The following WDR89 variants were observed in gnomAD, a reference collection of about 807,000 sequenced individuals.
WDR89 encodes the protein WD repeat domain 89, also known as WD repeat-containing protein 89.
In WDR89, 17 loss-of-function variants were observed where a neutral mutation model predicts 29.1. That is an observed-to-expected ratio of 0.58 (90% CI 0.40 to 0.88). The LOEUF is 0.88. Among genes scored for constraint, WDR89 ranks in the 40% least tolerant of loss-of-function variants. The pLI, the probability that WDR89 is intolerant of heterozygous loss-of-function variation, is 0.00. For missense variants in WDR89, 396 were observed against 456.3 expected, an observed-to-expected ratio of 0.87 and a Z score of 1.20; for synonymous variants, 138 against 157.8, an observed-to-expected ratio of 0.87 and a Z score of 0.94.
intron 2 of WDR89, among the ~76,000 whole-genome samples, 181 bp from the exon 3 acceptor site, chr14:63,600,154 T>C (rs912570468): frequency 5.9e-5 from 9 of 152,182 alleles, no homozygotes; most frequent in Admixed American, 1.3e-4. Flanking sequence ...TTCCTTCCTA[T>C]GATGTAACTA....
At chr14:63,611,823 T>C (rs1464361895) in intron 2 of WDR89, among the ~76,000 whole-genome samples, 1 of 148,464 alleles carries the variant, frequency 6.7e-6, no homozygotes, top group Admixed American at 6.7e-5. Context: ...GCCTCCTGGG[T>C]TCAAGCAACT....
intron 2 of WDR89, among the ~76,000 whole-genome samples, chr14:63,619,261 T>G (rs186466260): frequency 2.4e-4 from 37 of 152,298 alleles, no homozygotes; most frequent in African/African-American, 8.2e-4. Flanking sequence ...GAATTTGAAG[T>G]TTTTGGTATA....
intron 2 of WDR89, among the ~76,000 whole-genome samples, chr14:63,622,963 G>C (rs1475773198): frequency 1.3e-5 from 2 of 152,022 alleles, no homozygotes; most frequent in African/African-American, 4.8e-5. Flanking sequence ...ACTTTGGGTG[G>C]CCAAGGTGGG....
At chr14:63,608,067 G>A (rs1452206100) in intron 2 of WDR89, among the ~76,000 whole-genome samples, 2 of 151,914 alleles carry the variant, frequency 1.3e-5, no homozygotes, top group African/African-American at 2.4e-5. Flanking sequence ...TAAGCTGGGT[G>A]TGGTGGTGCA....
Position 63,599,316 on chromosome 14 carries a change from C to T in WDR89, c.627G>A (p.Leu209=). The T allele has an allele frequency of 6.2e-7, 1 of 1,614,040 alleles. No individual in the cohort carries two copies. Among genetic ancestry groups the T allele is most frequent in the Non-Finnish European group, 8.5e-7 (1 of 1,180,014 alleles). The change falls in exon 3 of 3, where the codon CTG becomes CTA. Residue 209 remains leucine (L), a synonymous_variant. Transcript: ENST00000620954. ...DINIDNEEDA[L]VTTCNSISSV... is the part of the protein sequence containing the mutation. ...ATGAAATTGAGTTACAGGTTGTAAC[C>T]AGTGCATCCTCCTCATTATCAATAT...
chr14:63,605,164 C>T (rs890041251), intron 2 of WDR89, among the ~76,000 whole-genome samples: 26 of 133,766 alleles, frequency 1.9e-4, no homozygotes, highest in African/African-American at 9.5e-4. Flanking sequence ...CTCTCTCTCT[C>T]TCTATATATA....
At chr14:63,628,817 C>T (rs1432756186) in intron 1 of WDR89, among the ~76,000 whole-genome samples, 1 of 151,918 alleles carries the variant, frequency 6.6e-6, no homozygotes, top group Non-Finnish European at 1.5e-5. Flanking sequence ...AAAAAATTAG[C>T]CAGGCATGGT....
intron 2 of WDR89, among the ~76,000 whole-genome samples, chr14:63,612,329 G>GT (rs554114500): frequency 0.01 from 1,412 of 140,018 alleles, 32 homozygotes; most frequent in African/African-American, 0.031. Flanking sequence ...AAAATTTCAA[G>GT]TTTTTTTTTT....
chr14:63,620,500 T>C (rs1882627855), intron 2 of WDR89, among the ~76,000 whole-genome samples: 1 of 152,122 alleles, frequency 6.6e-6, no homozygotes, highest in Non-Finnish European at 1.5e-5. Context: ...TCAAAGGGTA[T>C]AAAATTTCAC....
At chr14:63,613,171 A>G (rs925377375) in intron 2 of WDR89, among the ~76,000 whole-genome samples, 1 of 152,212 alleles carries the variant, frequency 6.6e-6, no homozygotes, top group South Asian at 2.1e-4. Flanking sequence ...GCAGCCTACC[A>G]ATCACCAGAT....
At chr14:63,603,053 G>C (rs1895150125) in intron 2 of WDR89, among the ~76,000 whole-genome samples, 1 of 152,100 alleles carries the variant, frequency 6.6e-6, no homozygotes, top group Non-Finnish European at 1.5e-5. Context: ...ACCACGCCCA[G>C]CCTGGATTTG....
At chr14:63,626,676 CAAAAAAAAAAAAA>C (rs35582220) in intron 1 of WDR89, among the ~76,000 whole-genome samples, 48 of 34,580 alleles carry the variant, frequency 1.4e-3, no homozygotes, top group Admixed American at 2.5e-3. Flanking sequence ...GAGACTGTCT[CAAAAAAAAAAAAA>C]AAAAAAAAAA....
intron 1 of WDR89, among the ~76,000 whole-genome samples, chr14:63,632,391 G>C (rs1883463809): frequency 6.6e-6 from 1 of 152,086 alleles, no homozygotes; most frequent in Non-Finnish European, 1.5e-5. Context: ...AGCACCTTGG[G>C]AGGCTGAGGT....
At position 63,627,123 on chromosome 14, in the gene WDR89, A is replaced by AACACACACACACACAC. The variant is rs756971522; in HGVS notation, c.-137-2106_-137-2091dup. 4.0e-4 allele frequency among the ~76,000 whole-genome samples: 49 copies of AACACACACACACACAC among 122,880 alleles called. 1 individual carries two copies. Among genetic ancestry groups the AACACACACACACACAC allele is most frequent in the African/African-American group, 1.3e-3 (43 of 33,838 alleles). 80.6% of individuals were successfully genotyped at this position (122,880 alleles called of 152,430 possible). On this transcript the variant is annotated intron_variant, in intron 1 of 2. Coordinates refer to ENST00000620954, the MANE Select transcript of WDR89 (RefSeq NM_080666.4). Reference sequence around the variant, plus strand: ...GTGACAGAATAAGACTTTGTCTCTAAACACACACACACACACACACACACA... The same window carrying AACACACACACACACAC: ...GTGACAGAATAAGACTTTGTCTCTAAACACACACACACACACACACACACACACACACACACACACA...
rs770793081 is a variant in WDR89 at position 63,598,992 on chromosome 14, C to T, written c.951G>A (p.Gln317=). 2 of 1,614,208 alleles carry T rather than the reference C, an allele frequency of 1.2e-6. No individual in the cohort carries two copies. The highest frequency in any genetic ancestry group is 3.3e-5 in the Admixed American group (2 of 60,016). The change falls in exon 3 of 3, where the codon CAG becomes CAA. Residue 317 remains glutamine (Q), a synonymous_variant. Transcript: ENST00000620954. ...AACGGACTGTAGCAGCATGCCCTCCCTGAAGGCTAGTCACATGGGTCAGTC... is the reference window on the plus strand; with the variant it reads ...AACGGACTGTAGCAGCATGCCCTCCTTGAAGGCTAGTCACATGGGTCAGTC... ...MSGLTHVTSL[Q]GGHAATVRSF...
chr14:63,614,636 T>C (rs1243688240), intron 2 of WDR89, among the ~76,000 whole-genome samples: 1 of 152,184 alleles, frequency 6.6e-6, no homozygotes, highest in Non-Finnish European at 1.5e-5. Flanking sequence ...TACCTTGGGA[T>C]AAAAAGCATA....
intron 2 of WDR89, among the ~76,000 whole-genome samples, chr14:63,608,164 C>T (rs1881712867): frequency 6.6e-6 from 1 of 152,130 alleles, no homozygotes. Flanking sequence ...TGAGATTGTA[C>T]CGTTGAACTC....
chr14:63,639,197 T>C (rs968621468), intron 1 of WDR89, among the ~76,000 whole-genome samples: 3 of 152,070 alleles, frequency 2.0e-5, no homozygotes, highest in African/African-American at 7.2e-5. Flanking sequence ...GTGAAACTGA[T>C]TTCATACTTC....
At chr14:63,608,295 A>G (rs147807462) in intron 2 of WDR89, among the ~76,000 whole-genome samples, 3 of 152,192 alleles carry the variant, frequency 2.0e-5, no homozygotes, top group African/African-American at 7.2e-5. Flanking sequence ...CTGTAATCCC[A>G]GTACTTTGGG....
Sources: allele counts gnomAD v4.1 joint callset (sites outside exome capture counted in the v4.1 genomes callset), GRCh38; gene constraint gnomAD v4.1.1; transcripts MANE v1.5; gene names NCBI Gene and HGNC (gene_info 2026-07-23, HGNC 2026-07-21).